The following NAV2 variants were observed in gnomAD, a reference collection of about 807,000 sequenced individuals.
The protein encoded by NAV2 is helicase, APC down-regulated 1.
NAV2 carries 54 observed loss-of-function variants against 223.2 expected under a neutral mutation model. That is an observed-to-expected ratio of 0.24 (90% CI 0.19 to 0.30). The LOEUF is 0.30. Ranked by LOEUF, NAV2 falls within the 10% of genes least tolerant of loss-of-function variation. NAV2 has a pLI of 1.00. For synonymous variants in NAV2, 1,279 were observed against 1,239.3 expected, an observed-to-expected ratio of 1.03 and a Z score of -0.67; for missense variants, 2,806 against 3,147.5, an observed-to-expected ratio of 0.89 and a Z score of 2.60.
chr11:19,898,945 G>A (rs2042223019), intron 6 of NAV2, among the ~76,000 whole-genome samples: 1 of 152,114 alleles, frequency 6.6e-6, no homozygotes, highest in South Asian at 2.1e-4. Flanking sequence ...ACAACCAGTT[G>A]CCTTAACATA....
At chr11:19,722,908 G>T (rs2050879280) in intron 1 of NAV2, among the ~76,000 whole-genome samples, 2 of 152,208 alleles carry the variant, frequency 1.3e-5, no homozygotes, top group Admixed American at 1.3e-4. Flanking sequence ...GCCTGGTCTG[G>T]CTGAGTAGAG....
upstream of NAV2, among the ~76,000 whole-genome samples, chr11:19,349,693 G>C (rs1339843432): frequency 6.6e-6 from 1 of 152,110 alleles, no homozygotes; most frequent in Non-Finnish European, 1.5e-5. Context: ...ATAATTACTT[G>C]TTGATGCATG....
intron 1 of NAV2, among the ~76,000 whole-genome samples, chr11:19,730,775 A>G (rs560829408): frequency 2.9e-4 from 44 of 152,184 alleles, no homozygotes; most frequent in South Asian, 4.2e-4. Flanking sequence ...AGCTCCTTCT[A>G]GTGTCCCCTT....
intron 1 of NAV2, among the ~76,000 whole-genome samples, chr11:19,802,927 G>A (rs988150507): frequency 6.6e-6 from 1 of 152,166 alleles, no homozygotes; most frequent in Non-Finnish European, 1.5e-5. Context: ...GAGGGGAGCA[G>A]CTGCTTCCTC....
chr11:19,411,012 G>T (rs1027068749), intron 1 of NAV2, among the ~76,000 whole-genome samples: 2 of 152,154 alleles, frequency 1.3e-5, no homozygotes, highest in African/African-American at 2.4e-5. Context: ...CATGGGAAAG[G>T]CTCCCCTATC....
intron 3 of NAV2, among the ~76,000 whole-genome samples, chr11:19,858,449 C>T (rs1294991308): frequency 6.6e-6 from 1 of 152,156 alleles, no homozygotes; most frequent in African/African-American, 2.4e-5. Context: ...TTTTCTGTAT[C>T]CATTTATCCT....
At chr11:19,406,125 C>T (rs1341676627) in intron 1 of NAV2, among the ~76,000 whole-genome samples, 1 of 152,168 alleles carries the variant, frequency 6.6e-6, no homozygotes, top group African/African-American at 2.4e-5. Flanking sequence ...GTGGTCAGCC[C>T]AGGCTGGCTT....
intron 2 of NAV2, among the ~76,000 whole-genome samples, chr11:19,839,622 C>A (rs2060408506): frequency 6.6e-6 from 1 of 152,188 alleles, no homozygotes; most frequent in Non-Finnish European, 1.5e-5. Flanking sequence ...TTTGTCTCTT[C>A]CCATTGGCAG....
intron 1 of NAV2, among the ~76,000 whole-genome samples, chr11:19,758,453 G>C (rs977632503): frequency 6.6e-6 from 1 of 152,194 alleles, no homozygotes; most frequent in Non-Finnish European, 1.5e-5. Flanking sequence ...GAAGGGTGGT[G>C]GTGGACCAGA....
chr11:19,911,763 G>A (rs1029931125), intron 6 of NAV2, among the ~76,000 whole-genome samples: 3 of 152,088 alleles, frequency 2.0e-5, no homozygotes, highest in African/African-American at 4.8e-5. Flanking sequence ...CAGCAAAGGC[G>A]GAAAGACTCC....
chr11:19,366,413 T>G (rs1360609164), intron 1 of NAV2, among the ~76,000 whole-genome samples: 8 of 152,122 alleles, frequency 5.3e-5, no homozygotes, highest in Non-Finnish European at 1.5e-5. Context: ...CCTGCTTGCT[T>G]CTTCTAGCTG....
chr11:20,092,417 C>T, intron 28 of NAV2, 49 bp downstream of exon 28: 3 of 1,566,172 alleles, frequency 1.9e-6, no homozygotes, highest in Admixed American at 1.8e-5. Context: ...ACAGCTGGCA[C>T]CCTGATCTCT....
chr11:19,461,875 G>A (rs1042838273), intron 1 of NAV2, among the ~76,000 whole-genome samples: 1 of 152,180 alleles, frequency 6.6e-6, no homozygotes, highest in Non-Finnish European at 1.5e-5. Flanking sequence ...GCGCGATCTC[G>A]CCTCACTGCA....
chr11:19,466,673 C>T (rs944033280), intron 1 of NAV2, among the ~76,000 whole-genome samples: 15 of 152,112 alleles, frequency 9.9e-5, no homozygotes, highest in Non-Finnish European at 2.1e-4. Flanking sequence ...GAAGAAGCCA[C>T]GGGATGAACC....
intron 4 of NAV2, among the ~76,000 whole-genome samples, chr11:19,876,960 A>C (rs951335471): frequency 8.0e-6 from 1 of 125,260 alleles, no homozygotes; most frequent in Non-Finnish European, 1.9e-5. Flanking sequence ...ATTTATCAAT[A>C]AAAAATATTT....
intron 11 of NAV2, among the ~76,000 whole-genome samples, chr11:20,003,288 A>T (rs2153490093): frequency 6.6e-6 from 1 of 152,300 alleles, no homozygotes; most frequent in Middle Eastern, 3.4e-3. Flanking sequence ...ATGGATTCGG[A>T]TGACATCTGT....
At chr11:19,462,959 G>T (rs1852217838) in intron 1 of NAV2, among the ~76,000 whole-genome samples, 1 of 152,138 alleles carries the variant, frequency 6.6e-6, no homozygotes, top group Admixed American at 6.6e-5. Flanking sequence ...CTGGGCTGAG[G>T]TATTCAGTAT....
intron 1 of NAV2, among the ~76,000 whole-genome samples, chr11:19,542,655 C>T (rs1407372973): frequency 2.6e-5 from 4 of 152,206 alleles, no homozygotes; most frequent in Non-Finnish European, 4.4e-5. Context: ...TTTAATTCAT[C>T]GAAGGTCATA....
At chr11:19,732,628 T>C (rs1215976743) in intron 1 of NAV2, among the ~76,000 whole-genome samples, 1 of 152,218 alleles carries the variant, frequency 6.6e-6, no homozygotes, top group Non-Finnish European at 1.5e-5. Context: ...CCCTGGCTTC[T>C]TAGGAGGCCT....
Sources: allele counts gnomAD v4.1 joint callset (sites outside exome capture counted in the v4.1 genomes callset), GRCh38; gene constraint gnomAD v4.1.1; transcripts MANE v1.5; gene names NCBI Gene and HGNC (gene_info 2026-07-23, HGNC 2026-07-21).